The following SLC16A2 variants were observed in gnomAD, a reference collection of about 807,000 sequenced individuals.
The protein encoded by SLC16A2 is monocarboxylate transporter 8.
In SLC16A2, 3 loss-of-function variants were observed where a neutral mutation model predicts 27.2. The ratio of observed to expected loss-of-function variants is 0.11; its 90% CI spans 0.05 to 0.28. SLC16A2 has a LOEUF of 0.28. SLC16A2 is among the 10% of genes least tolerant of loss of function. SLC16A2 has a pLI of 1.00. For missense variants in SLC16A2, 295 were observed against 458.5 expected, an observed-to-expected ratio of 0.64 and a Z score of 3.26; for synonymous variants, 202 against 187.8, an observed-to-expected ratio of 1.08 and a Z score of -0.62.
At chrX:74,507,010 G>A (rs1433293443) in intron 1 of SLC16A2, among the ~76,000 whole-genome samples, 1 of 106,966 alleles carries the variant, frequency 9.3e-6, no homozygotes, top group Non-Finnish European at 1.9e-5. Flanking sequence ...TCAGCTCACT[G>A]CAGCCTCGAT....
intron 1 of SLC16A2, among the ~76,000 whole-genome samples, chrX:74,497,255 C>T (rs1370418204): frequency 1.8e-5 from 2 of 111,839 alleles, no homozygotes; most frequent in Non-Finnish European, 3.8e-5. Context: ...AGGGACCATG[C>T]TCTTTCCTTC....
chrX:74,496,262 ACACACACACACACG>A (rs759312366), intron 1 of SLC16A2, among the ~76,000 whole-genome samples: 194 of 66,425 alleles, frequency 2.9e-3, no homozygotes, highest in Non-Finnish European at 4.0e-3. Context: ...ACACACACAC[ACACACACACACACG>A]CACACACACA....
At chrX:74,475,559 C>T (rs1031198495) in intron 1 of SLC16A2, among the ~76,000 whole-genome samples, 1 of 111,188 alleles carries the variant, frequency 9.0e-6, no homozygotes, top group African/African-American at 3.3e-5. Flanking sequence ...CTTGCCCATG[C>T]CTGTGTCCTG....
In SLC16A2 at chrX:74,437,642, C is replaced by T. The variant is rs770034791; in HGVS notation, c.430+15575C>T. 3.6e-5 allele frequency among the ~76,000 whole-genome samples: 4 copies of T among 112,128 alleles called. No individual in the cohort carries two copies. The East Asian group carries it at 8.4e-4, about 24-fold the overall frequency. ...TGCAGGGACCTGGTGGCCTGGATAA[C>T]GGAGGTCAGCAGGACTCCAGACAGG... On this transcript the variant is annotated intron_variant, in intron 1 of 5. Coordinates refer to ENST00000587091, the MANE Select transcript of SLC16A2 (RefSeq NM_006517.5).
At chrX:74,515,104 G>A (rs1459213820) in intron 1 of SLC16A2, among the ~76,000 whole-genome samples, 2 of 111,807 alleles carry the variant, frequency 1.8e-5, no homozygotes, top group African/African-American at 6.5e-5. Context: ...ATTTGGCAAG[G>A]ATTTTAAAGC....
chrX:74,491,723 A>G (rs1280926610), intron 1 of SLC16A2, among the ~76,000 whole-genome samples: 2 of 112,560 alleles, frequency 1.8e-5, no homozygotes, highest in Non-Finnish European at 3.8e-5. Context: ...TAAATACCAG[A>G]GACTCTTGCT....
chrX:74,425,100 T>G (rs1403350351), intron 1 of SLC16A2, among the ~76,000 whole-genome samples: 4 of 111,851 alleles, frequency 3.6e-5, no homozygotes, highest in Non-Finnish European at 7.5e-5. Context: ...ACTCCTGGCC[T>G]CCAGCAGTCC....
intron 1 of SLC16A2, among the ~76,000 whole-genome samples, chrX:74,497,874 G>A (rs139329284): frequency 9.4e-6 from 1 of 106,245 alleles, no homozygotes; most frequent in Non-Finnish European, 1.9e-5. Context: ...GAAGGAAGGG[G>A]GAACGAATGA....
Position 74,532,050 on chromosome X carries a change from T to C in SLC16A2, c.*497T>C. ...CAAGTAGCCTTGGTTAGTCTTAGAGTTGCTGATGACTGTGGCTTCCCAAGA... is the reference window on the plus strand; with the variant it reads ...CAAGTAGCCTTGGTTAGTCTTAGAGCTGCTGATGACTGTGGCTTCCCAAGA... On this transcript the variant is annotated 3_prime_UTR_variant, in exon 6 of 6. Coordinates refer to ENST00000587091, the MANE Select transcript of SLC16A2 (RefSeq NM_006517.5). 6.4e-6 allele frequency: 1 copy of C among 156,402 alleles called. No individual in the cohort carries two copies. 12.9% of individuals were successfully genotyped at this position (156,402 alleles called of 1,213,427 possible). A position where few individuals can be genotyped will look rare whatever the true frequency, so the allele number is the denominator to read the frequency against.
At chrX:74,529,108 A>G (rs1051343462) in intron 4 of SLC16A2, 105 bp from the exon 5 acceptor site, 1 of 556,405 alleles carries the variant, frequency 1.8e-6, no homozygotes, top group African/African-American at 2.3e-5. Context: ...CCCTCCCACC[A>G]CCCCATTTTA....
At chrX:74,436,424 T>G in intron 1 of SLC16A2, among the ~76,000 whole-genome samples, 1 of 111,882 alleles carries the variant, frequency 8.9e-6, no homozygotes, top group East Asian at 2.8e-4. Flanking sequence ...TGGAGCCCAC[T>G]TGAGTGAGCC....
At chrX:74,450,326 G>A (rs746346615) in intron 1 of SLC16A2, among the ~76,000 whole-genome samples, 1 of 112,147 alleles carries the variant, frequency 8.9e-6, no homozygotes, top group Non-Finnish European at 1.9e-5. Flanking sequence ...AGGAAATAAT[G>A]CTAGCTGAGT....
At chrX:74,472,996 G>A (rs1929386698) in intron 1 of SLC16A2, 2 of 475,887 alleles carry the variant, frequency 4.2e-6, no homozygotes, top group Non-Finnish European at 7.5e-6. Flanking sequence ...CTCCGCTCCT[G>A]CTAAGGTTTG....
At chrX:74,467,315 A>ACCAT (rs1929269592) in intron 1 of SLC16A2, among the ~76,000 whole-genome samples, 3 of 111,558 alleles carry the variant, frequency 2.7e-5, no homozygotes, top group African/African-American at 9.8e-5. Context: ...TAGGGTTTGG[A>ACCAT]GTTGGGGTCT....
chrX:74,474,456 G>GT (rs764970191), intron 1 of SLC16A2, among the ~76,000 whole-genome samples: 240 of 103,941 alleles, frequency 2.3e-3, no homozygotes, highest in Middle Eastern at 4.9e-3. Context: ...GTTCTAGCAG[G>GT]TTTTTTTGCA....
At chrX:74,465,469 T>C (rs1386985301) in intron 1 of SLC16A2, among the ~76,000 whole-genome samples, 1 of 111,146 alleles carries the variant, frequency 9.0e-6, no homozygotes, top group Non-Finnish European at 1.9e-5. Context: ...AGGTTCTTGC[T>C]GCTCTTGCCC....
chrX:74,489,961 TCACACACATA>T (rs1211775609), intron 1 of SLC16A2, among the ~76,000 whole-genome samples: 7 of 22,921 alleles, frequency 3.1e-4, no homozygotes, highest in African/African-American at 8.2e-4. Flanking sequence ...ATTATAAAGG[TCACACACATA>T]CACACACACA....
chrX:74,439,188 T>C lies in SLC16A2; in HGVS notation c.430+17121T>C, dbSNP rs72630715. 2.2e-3 allele frequency among the ~76,000 whole-genome samples: 198 copies of C among 90,931 alleles called. 22 individuals carry two copies. The East Asian group carries it at 0.031, about 14-fold the overall frequency. 79.0% of individuals were successfully genotyped at this position (90,931 alleles called of 115,157 possible). A position where few individuals can be genotyped will look rare whatever the true frequency, so the allele number is the denominator to read the frequency against. On this transcript the variant is annotated intron_variant, in intron 1 of 5. Transcript: ENST00000587091. ...TCTTTCTTTCTTTCTTTCTTTCTTTTTCTTTCTTTCTTTCTTTCTTCCTTC... is the reference window on the plus strand; with the variant it reads ...TCTTTCTTTCTTTCTTTCTTTCTTTCTCTTTCTTTCTTTCTTTCTTCCTTC...
intron 1 of SLC16A2, among the ~76,000 whole-genome samples, chrX:74,426,359 A>G (rs1017370889): frequency 1.8e-5 from 2 of 111,955 alleles, no homozygotes; most frequent in African/African-American, 6.5e-5. Context: ...AACTATGACC[A>G]TGACTGATAC....
Sources: allele counts gnomAD v4.1 joint callset (sites outside exome capture counted in the v4.1 genomes callset), GRCh38; gene constraint gnomAD v4.1.1; transcripts MANE v1.5; gene names NCBI Gene and HGNC (gene_info 2026-07-23, HGNC 2026-07-21).